The following SOX5 variants were observed in gnomAD, a reference collection of about 807,000 sequenced individuals.
SOX5 encodes SRY-box transcription factor 5, also known as transcription factor SOX-5.
A neutral mutation model predicts 92.0 loss-of-function variants in SOX5; 9 were observed. The observed-to-expected ratio is 0.10, with a 90% confidence interval of 0.06 to 0.17. The LOEUF (loss-of-function observed/expected upper bound fraction) is 0.17. SOX5 is among the 10% of genes least tolerant of loss of function. The pLI is 1.00. For synonymous variants in SOX5, 344 were observed against 336.3 expected (o/e 1.02, Z -0.25); for missense variants, 642 against 944.5 (o/e 0.68, Z 4.20).
At chr12:23,791,794 G>A (rs1275366511) in intron 3 of SOX5, among the ~76,000 whole-genome samples, 1 of 151,888 alleles carries the variant, frequency 6.6e-6, no homozygotes, top group Non-Finnish European at 1.5e-5. Flanking sequence ...TTTATAATAA[G>A]TGAAATACTG....
chr12:23,730,354 T>A (rs1386942601), intron 6 of SOX5, among the ~76,000 whole-genome samples: 1 of 152,084 alleles, frequency 6.6e-6, no homozygotes, highest in African/African-American at 2.4e-5. Context: ...TTTAAGTCAA[T>A]AAACACAAAT....
intron 1 of SOX5, among the ~76,000 whole-genome samples, chr12:24,391,402 A>G (rs917062169): frequency 9.2e-5 from 14 of 152,314 alleles, no homozygotes; most frequent in African/African-American, 3.1e-4. Context: ...GTATAGGTAC[A>G]TGCTTTCCAA....
chr12:23,991,343 A>G (rs1325083929), intron 4 of SOX5, among the ~76,000 whole-genome samples: 1 of 150,926 alleles, frequency 6.6e-6, no homozygotes, highest in Non-Finnish European at 1.5e-5. Context: ...AACAACAACA[A>G]AAAAAATATA....
chr12:23,877,812 AATTT>A (rs1287773479), intron 2 of SOX5, among the ~76,000 whole-genome samples: 1 of 152,030 alleles, frequency 6.6e-6, no homozygotes, highest in Non-Finnish European at 1.5e-5. Flanking sequence ...ATATTATAAT[AATTT>A]ATCATATTTC....
In SOX5 at chr12:23,614,505, G is replaced by C. The variant is rs74395223; in HGVS notation, c.1018-9972C>G. On this transcript the variant is annotated intron_variant, in intron 8 of 14. Coordinates refer to ENST00000451604, the MANE Select transcript of SOX5 (RefSeq NM_006940.6). ...CAGCATGTATCAGTAGCCTGTTATT[G>C]TACTGTTGAAAAGTATTTATTTGCA... Among the ~76,000 whole-genome samples, 1,086 of 152,274 alleles carry C rather than the reference G, an allele frequency of 7.1e-3. 7 individuals are homozygous for C. The highest frequency in any genetic ancestry group is 0.012 in the Non-Finnish European group (837 of 68,006).
At chr12:23,799,525 G>T (rs1371481449) in intron 3 of SOX5, among the ~76,000 whole-genome samples, 1 of 151,990 alleles carries the variant, frequency 6.6e-6, no homozygotes, top group Non-Finnish European at 1.5e-5. Context: ...AGCAGTTTCA[G>T]CTAGGGTTAA....
chr12:24,068,089 G>C (rs915724025), intron 4 of SOX5, among the ~76,000 whole-genome samples: 4 of 152,196 alleles, frequency 2.6e-5, no homozygotes, highest in Non-Finnish European at 5.9e-5. Flanking sequence ...AGGTTGCAGT[G>C]AGCCAAGATT....
intron 3 of SOX5, among the ~76,000 whole-genome samples, chr12:24,274,653 T>C (rs1032110540): frequency 7.0e-5 from 9 of 127,692 alleles, no homozygotes; most frequent in African/African-American, 2.5e-4. Context: ...AAGAGTAAAG[T>C]CAGTTTAGGT....
chr12:23,769,388 A>T (rs1594234701), intron 3 of SOX5, among the ~76,000 whole-genome samples: 1 of 151,998 alleles, frequency 6.6e-6, no homozygotes, highest in Admixed American at 6.6e-5. Context: ...GAGGGGAAAA[A>T]GTTTATTTCA....
At chr12:23,966,352 A>G (rs1947583944) in intron 4 of SOX5, among the ~76,000 whole-genome samples, 1 of 152,060 alleles carries the variant, frequency 6.6e-6, no homozygotes, top group Admixed American at 6.6e-5. Context: ...TTGTTCAGTA[A>G]CTGTCATCAT....
At chr12:24,187,475 G>A (rs181460453) in intron 4 of SOX5, among the ~76,000 whole-genome samples, 1 of 152,318 alleles carries the variant, frequency 6.6e-6, no homozygotes, top group Non-Finnish European at 1.5e-5. Context: ...GGCACAGACA[G>A]AAATACATTT....
intron 3 of SOX5, among the ~76,000 whole-genome samples, chr12:23,840,198 A>C (rs1188719023): frequency 6.6e-6 from 1 of 152,116 alleles, no homozygotes; most frequent in Admixed American, 6.6e-5. Context: ...CAATTGAAAT[A>C]TAAAATTAAA....
rs541266242 is a variant in SOX5 at position 24,547,691 on chromosome 12, A to G, written c.-251+14638T>C. On this transcript the variant is annotated intron_variant, in intron 1 of 4. Transcript: ENST00000446891. Reference sequence around the variant, plus strand: ...GATTAATAAAATACTCAGCTCAGGCATAAGTTGTCTTAGAAAACCTTCTCC... The same window carrying G: ...GATTAATAAAATACTCAGCTCAGGCGTAAGTTGTCTTAGAAAACCTTCTCC... 5.3e-5 allele frequency among the ~76,000 whole-genome samples: 8 copies of G among 152,364 alleles called. 1 individual carries two copies. Among genetic ancestry groups the G allele is most frequent in the African/African-American group, 1.7e-4 (7 of 41,594 alleles).
rs763704753 is a variant in SOX5 at position 24,500,763 on chromosome 12, A to T, written c.-251+61566T>A. On this transcript the variant is annotated intron_variant, in intron 1 of 4. Coordinates refer to the SOX5 transcript ENST00000446891. The stretch of plus-strand genomic sequence containing the variant: ...CCGCTGTTCCAACATGCAATGCACA[A>T]TCTTTGGCTTCTCCCAAACAAATAT... 8.5e-5 allele frequency among the ~76,000 whole-genome samples: 13 copies of T among 152,196 alleles called. 1 individual carries two copies. The highest frequency in any genetic ancestry group is 3.9e-4 in the Admixed American group (6 of 15,282).
In SOX5 at chr12:23,852,780, C is replaced by G. The variant is rs555055726; in HGVS notation, c.271-6587G>C. ...CTCAAAATAATGTCATTGGCATCAC[C>G]GGGGAACACTTTCAACATTTTTCTC... On this transcript the variant is annotated intron_variant, in intron 2 of 14. Coordinates refer to ENST00000451604, the MANE Select transcript of SOX5 (RefSeq NM_006940.6). 8.0e-4 allele frequency among the ~76,000 whole-genome samples: 122 copies of G among 152,080 alleles called. 2 individuals carry two copies. The highest frequency in any genetic ancestry group is 2.9e-3 in the African/African-American group (122 of 41,486).
chr12:24,333,807 G>A (rs1951590397), intron 2 of SOX5, among the ~76,000 whole-genome samples: 2 of 149,060 alleles, frequency 1.3e-5, no homozygotes, highest in East Asian at 2.0e-4. Flanking sequence ...TAATCCCAAT[G>A]GAGATTTTTG....
rs564828983 is a variant in SOX5, at chr12:23,725,236, A to C, written c.810+9448T>G. Among the ~76,000 whole-genome samples, 7 of 152,282 alleles carry C rather than the reference A, an allele frequency of 4.6e-5. No individual in the cohort carries two copies. The East Asian group carries it at 7.7e-4, about 17-fold the overall frequency. ...TCCATTTGTATTAGTCTGTTCTCAC[A>C]CTGCTAATAAAGACATATCCAAGAC... On this transcript the variant is annotated intron_variant, in intron 6 of 14. Coordinates refer to ENST00000451604, the MANE Select transcript of SOX5 (RefSeq NM_006940.6).
intron 2 of SOX5, among the ~76,000 whole-genome samples, chr12:23,863,980 C>CTT (rs34769335): frequency 4.9e-4 from 72 of 146,242 alleles, no homozygotes; most frequent in South Asian, 3.9e-3. Flanking sequence ...ACAAATATAG[C>CTT]TTTTTTTTTT....
intron 3 of SOX5, among the ~76,000 whole-genome samples, chr12:23,840,156 C>T (rs911338325): frequency 6.6e-6 from 1 of 151,906 alleles, no homozygotes; most frequent in African/African-American, 2.4e-5. Flanking sequence ...GGGGAATATA[C>T]TACAGTCAAT....
Sources: allele counts gnomAD v4.1 joint callset (sites outside exome capture counted in the v4.1 genomes callset), GRCh38; gene constraint gnomAD v4.1.1; transcripts MANE v1.5; gene names NCBI Gene and HGNC (gene_info 2026-07-23, HGNC 2026-07-21).